Variants in VAV2 observed in about 807,000 individuals in gnomAD.
VAV2 encodes vav guanine nucleotide exchange factor 2.
VAV2 carries 67 observed loss-of-function variants against 132.5 expected under a neutral mutation model. That is an observed-to-expected ratio of 0.51 (90% CI 0.42 to 0.62). VAV2 has a LOEUF of 0.62. Ranked by LOEUF, VAV2 falls within the 20% of genes least tolerant of loss-of-function variation. VAV2 has a pLI of 0.00. For synonymous variants in VAV2, 492 were observed against 443.5 expected (o/e 1.11, Z -1.37); for missense variants, 938 against 1,153.6 (o/e 0.81, Z 2.71).
chr9:133,970,303 C>T (rs1166530425), intron 1 of VAV2, among the ~76,000 whole-genome samples: 1 of 152,230 alleles, frequency 6.6e-6, no homozygotes. Flanking sequence ...AACCCCCGCC[C>T]GCCATGTCTT....
chr9:133,822,455 G>A (rs1399500796), intron 4 of VAV2, among the ~76,000 whole-genome samples: 1 of 152,226 alleles, frequency 6.6e-6, no homozygotes, highest in Non-Finnish European at 1.5e-5. Context: ...ACTGGATGGT[G>A]TGCATGTGGG....
intron 1 of VAV2, among the ~76,000 whole-genome samples, chr9:133,954,375 C>T (rs958471042): frequency 6.6e-6 from 1 of 152,222 alleles, no homozygotes; most frequent in East Asian, 1.9e-4. Context: ...CAAGGAGGAG[C>T]AAGTGCGCGT....
chr9:133,763,903 T>C lies in VAV2; in HGVS notation c.*159A>G, dbSNP rs1833347825. On this transcript the variant is annotated 3_prime_UTR_variant, in exon 30 of 30. Transcript: ENST00000371850. This position sits in a 1 kb window ranked among gnomAD's most constrained non-coding sequence, Gnocchi z 6.8. ...CGAGGGCAGGCTGACAGTGAAACGGTTCGAGTTTAGGATTCTCAACACCCT... is the reference window on the plus strand; with the variant it reads ...CGAGGGCAGGCTGACAGTGAAACGGCTCGAGTTTAGGATTCTCAACACCCT... The C allele has an allele frequency of 3.5e-6, 3 of 851,674 alleles. No individual in the cohort carries two copies. The East Asian group carries it at 7.9e-5, about 22-fold the overall frequency. 52.8% of individuals were successfully genotyped at this position (851,674 alleles called of 1,614,324 possible).
Position 133,784,362 on chromosome 9 carries a change from G to A in VAV2, c.1589C>T (p.Thr530Met), listed in dbSNP as rs750245667. The change falls in exon 18 of 30, where the codon ACG becomes ATG. Residue 530 changes from threonine to methionine, a missense_variant. Physicochemically the swap from Thr to Met is moderately conservative, Grantham distance 81. Transcript: ENST00000371850. ...TTTGCAGTTGGTGGTCTTGTCAAACGTGTACATCTGGAAACTGTGGTGGTT... is the reference window on the plus strand; with the variant it reads ...TTTGCAGTTGGTGGTCTTGTCAAACATGTACATCTGGAAACTGTGGTGGTT... ...NANHHSFQMY[T>M]FDKTTNCKAC... 43 of 1,614,236 alleles carry A rather than the reference G, an allele frequency of 2.7e-5. No homozygotes were observed. The highest frequency in any genetic ancestry group is 3.5e-5 in the Non-Finnish European group (41 of 1,180,042).
intron 2 of VAV2, among the ~76,000 whole-genome samples, chr9:133,921,059 A>G (rs1840279647): frequency 6.6e-6 from 1 of 152,214 alleles, no homozygotes; most frequent in Non-Finnish European, 1.5e-5. Flanking sequence ...TCGTTGGCTT[A>G]ATATGCATAA....
intron 1 of VAV2, among the ~76,000 whole-genome samples, chr9:133,962,429 G>A (rs538868806): frequency 7.9e-5 from 12 of 152,242 alleles, no homozygotes; most frequent in South Asian, 2.1e-4. Flanking sequence ...AGAGGGGTGC[G>A]GGTGTCCCTG....
Position 133,969,290 on chromosome 9 carries a change from T to C in VAV2, c.204+22785A>G, listed in dbSNP as rs950976904. On this transcript the variant is annotated intron_variant, in intron 1 of 29. Transcript: ENST00000371850. This position sits in a 1 kb window ranked among gnomAD's most constrained non-coding sequence, Gnocchi z 5.1. ...GCTGCGCTGCTGGCATGGTAGAGAA[T>C]ACAACGAACAGGGAAGGAGGGAGGA... 2.6e-5 allele frequency among the ~76,000 whole-genome samples: 4 copies of C among 152,092 alleles called. No individual in the cohort carries two copies. The highest frequency in any genetic ancestry group is 5.9e-5 in the Non-Finnish European group (4 of 68,024).
At chr9:133,795,063 T>C (rs1179798820) in intron 12 of VAV2, among the ~76,000 whole-genome samples, 2 of 152,178 alleles carry the variant, frequency 1.3e-5, no homozygotes, top group Non-Finnish European at 2.9e-5. Context: ...CCTGGAACTG[T>C]GCTGAACACA....
At chr9:133,979,038 G>C (rs1842605771) in intron 1 of VAV2, among the ~76,000 whole-genome samples, 1 of 152,230 alleles carries the variant, frequency 6.6e-6, no homozygotes, top group Non-Finnish European at 1.5e-5. Context: ...GAGCAGGTCT[G>C]CAGGTCCCGG....
intron 1 of VAV2, among the ~76,000 whole-genome samples, chr9:133,951,637 C>T (rs917775473): frequency 2.6e-5 from 4 of 152,064 alleles, no homozygotes; most frequent in African/African-American, 9.7e-5. Flanking sequence ...TCAGTTTCCT[C>T]ACCTGTCAAG....
intron 1 of VAV2, among the ~76,000 whole-genome samples, chr9:133,940,459 G>A (rs1454055727): frequency 6.6e-6 from 1 of 152,140 alleles, no homozygotes; most frequent in East Asian, 1.9e-4. Flanking sequence ...GCCTAAGAGC[G>A]TAAACCAAGC....
rs1840568869 is a variant in VAV2, at chr9:133,928,672, A to T, written c.321+10431T>A. On this transcript the variant is annotated intron_variant, in intron 2 of 29. Coordinates refer to ENST00000371850, the MANE Select transcript of VAV2 (RefSeq NM_001134398.2). This position sits in a 1 kb window ranked among gnomAD's most constrained non-coding sequence, Gnocchi z 5.4. ...GCCTCGGGGCCTGGGTGTGGAGATA[A>T]GGGGTGCTGGATCAATACCCCAAGG... Among the ~76,000 whole-genome samples the T allele has an allele frequency of 6.6e-6, 1 of 152,178 alleles. No homozygotes were observed. Among genetic ancestry groups the T allele is most frequent in the Admixed American group, 6.5e-5 (1 of 15,278 alleles).
intron 4 of VAV2, among the ~76,000 whole-genome samples, chr9:133,822,797 G>C (rs1397628462): frequency 1.4e-5 from 2 of 147,660 alleles, no homozygotes; most frequent in Non-Finnish European, 3.0e-5. Context: ...AAATATTCAG[G>C]AACCAAAAAA....
Position 133,824,784 on chromosome 9 carries a change from C to T in VAV2, c.449+9488G>A, listed in dbSNP as rs780045442. 5.9e-5 allele frequency among the ~76,000 whole-genome samples: 9 copies of T among 152,148 alleles called. No homozygotes were observed. The highest frequency in any genetic ancestry group is 1.2e-4 in the Non-Finnish European group (8 of 68,016). On this transcript the variant is annotated intron_variant, in intron 4 of 29. Coordinates refer to ENST00000371850, the MANE Select transcript of VAV2 (RefSeq NM_001134398.2). The surrounding 1 kb of genome is among the most constrained non-coding windows in gnomAD (Gnocchi z 5.2). ...TGACCCTTGGAGAGACAGAGCTGGG[C>T]TCAAATTGCAGCTCTGCCCCCTAGT...
intron 3 of VAV2, among the ~76,000 whole-genome samples, chr9:133,836,805 A>G (rs1564393297): frequency 6.6e-6 from 1 of 152,214 alleles, no homozygotes; most frequent in Admixed American, 6.5e-5. Context: ...ACACTTTGTA[A>G]GGAAACCCAC....
intron 23 of VAV2, among the ~76,000 whole-genome samples, 155 bp downstream of exon 23, chr9:133,777,234 T>C (rs1414438715): frequency 6.6e-6 from 1 of 151,896 alleles, no homozygotes; most frequent in Non-Finnish European, 1.5e-5. Context: ...ACCCATCTTC[T>C]CTCTGGGCTC....
chr9:133,798,082 G>C (rs1200236352), intron 9 of VAV2, among the ~76,000 whole-genome samples: 1 of 152,168 alleles, frequency 6.6e-6, no homozygotes, highest in African/African-American at 2.4e-5. Flanking sequence ...GTCCCGGCTG[G>C]GATGCAGGCT....
chr9:133,771,669 G>C (rs1301814712), intron 26 of VAV2, among the ~76,000 whole-genome samples: 1 of 152,160 alleles, frequency 6.6e-6, no homozygotes, highest in African/African-American at 2.4e-5. Flanking sequence ...AGGAGGATGG[G>C]CATGAGAGGA....
At chr9:133,805,717 T>C (rs1217663869) in intron 9 of VAV2, among the ~76,000 whole-genome samples, 1 of 152,172 alleles carries the variant, frequency 6.6e-6, no homozygotes, top group East Asian at 1.9e-4. Context: ...TTCATCCTTG[T>C]CCACATCCTA....
Sources: allele counts gnomAD v4.1 joint callset (sites outside exome capture counted in the v4.1 genomes callset), GRCh38; gene constraint gnomAD v4.1.1; non-coding constraint Gnocchi (gnomAD v3.1); transcripts MANE v1.5; gene names NCBI Gene and HGNC (gene_info 2026-07-23, HGNC 2026-07-21).